Variants in ADRA1A observed in about 807,000 individuals in gnomAD.
ADRA1A encodes adrenoceptor alpha 1A.
A neutral mutation model predicts 29.6 loss-of-function variants in ADRA1A; 31 were observed. The ratio of observed to expected loss-of-function variants is 1.05; its 90% CI spans 0.79 to 1.41. ADRA1A has a LOEUF of 1.41. ADRA1A is among the 40% of genes most tolerant of loss of function. The probability of loss-of-function intolerance (pLI) is 0.00; values close to 1 mark genes in which losing one functional copy is unlikely to be tolerated. For missense variants in ADRA1A, 619 were observed against 601.1 expected (o/e 1.03, Z -0.31); for synonymous variants, 311 against 254.3 (o/e 1.22, Z -2.12).
At position 26,866,905 on chromosome 8, in the gene ADRA1A, C is replaced by T. The variant is rs759217193; in HGVS notation, c.-687+31G>A. On this transcript the variant is annotated intron_variant, in intron 1 of 2. Transcript: ENST00000380573. This position sits in a 1 kb window ranked among gnomAD's most constrained non-coding sequence, Gnocchi z 5.7. ...GGGAGGTCTGCCCTCACCCACTCGG[C>T]CCTGCGGGACGCCGGCCCCGGCGCA... 14 of 985,444 alleles carry T rather than the reference C, an allele frequency of 1.4e-5. No homozygotes were observed. The highest frequency in any genetic ancestry group is 1.7e-5 in the Non-Finnish European group (14 of 829,970). The allele number at this position is 985,444 out of a possible 1,614,324, so 61.0% of individuals were successfully genotyped here. A position where few individuals can be genotyped will look rare whatever the true frequency, so the allele number is the denominator to read the frequency against.
At chr8:26,790,827 T>G (rs1317773218) in intron 2 of ADRA1A, among the ~76,000 whole-genome samples, 15 of 152,212 alleles carry the variant, frequency 9.9e-5, no homozygotes, top group Non-Finnish European at 2.9e-5. Context: ...TGGAATAAGT[T>G]TGATCTATAT....
Position 26,769,947 on chromosome 8 carries a change from T to C in ADRA1A, c.*202A>G. The C allele has an allele frequency of 7.4e-7, 1 of 1,356,946 alleles. No individual in the cohort carries two copies. The allele number at this position is 1,356,946 out of a possible 1,614,324, so 84.1% of individuals were successfully genotyped here. On this transcript the variant is annotated 3_prime_UTR_variant, in exon 3 of 3. Coordinates refer to ENST00000380573, the MANE Select transcript of ADRA1A (RefSeq NM_000680.4). ...AGGGAAATGCTGTTCCGTATCATTC[T>C]GAACTGGTTGGTTGTGAGACACCCT...
downstream of ADRA1A, among the ~76,000 whole-genome samples, chr8:26,753,431 G>C (rs1482333911): frequency 3.0e-5 from 4 of 133,886 alleles, no homozygotes; most frequent in Admixed American, 3.1e-4. Flanking sequence ...ATTGTTATTT[G>C]TTTTGCAGTA....
At chr8:26,757,271 C>T in intron 2 of ADRA1A, 1 of 653,430 alleles carries the variant, frequency 1.5e-6, no homozygotes, top group Non-Finnish European at 2.8e-6. Context: ...AAGTCCCTGC[C>T]AAATTCAGCC....
intron 2 of ADRA1A, among the ~76,000 whole-genome samples, chr8:26,828,536 C>T (rs950490761): frequency 5.9e-5 from 9 of 152,230 alleles, no homozygotes; most frequent in Non-Finnish European, 1.2e-4. Flanking sequence ...AGAGCAAGCT[C>T]TATCAGCTGG....
At position 26,831,724 on chromosome 8, in the gene ADRA1A, G is replaced by A. The variant is rs183366387; in HGVS notation, c.883+32363C>T. Among the ~76,000 whole-genome samples, 11 of 152,284 alleles carry A rather than the reference G, an allele frequency of 7.2e-5. No homozygotes were observed. Among genetic ancestry groups the A allele is most frequent in the East Asian group, 1.9e-4 (1 of 5,178 alleles). Reference sequence around the variant, plus strand: ...GGACAAGAAGAACATAGTTTCACTCGCAGGGAATGAAGGACCCTTTTGGGC... The same window carrying A: ...GGACAAGAAGAACATAGTTTCACTCACAGGGAATGAAGGACCCTTTTGGGC... On this transcript the variant is annotated intron_variant, in intron 2 of 2. Transcript: ENST00000380573. The surrounding 1 kb of genome is among the most constrained non-coding windows in gnomAD (Gnocchi z 5.2).
At chr8:26,819,403 A>G (rs1190780187) in intron 2 of ADRA1A, among the ~76,000 whole-genome samples, 1 of 152,148 alleles carries the variant, frequency 6.6e-6, no homozygotes, top group East Asian at 1.9e-4. Flanking sequence ...TTAAAATACA[A>G]AAGTATTAAA....
chr8:26,842,531 C>T (rs769357546), intron 2 of ADRA1A, among the ~76,000 whole-genome samples: 4 of 152,094 alleles, frequency 2.6e-5, no homozygotes, highest in South Asian at 2.1e-4. Context: ...GTTCTCTCCC[C>T]GACCTTCTGT....
rs558781194 is a variant in ADRA1A, at chr8:26,798,914, T to G, written c.884-28248A>C. On this transcript the variant is annotated intron_variant, in intron 2 of 2. Transcript: ENST00000380573. Reference sequence around the variant, plus strand: ...TATGACAGTTTGTTACATTTCTTTCTTTTTTCTCTCTCTGCCCAGGGATAT... The same window carrying G: ...TATGACAGTTTGTTACATTTCTTTCGTTTTTCTCTCTCTGCCCAGGGATAT... Among the ~76,000 whole-genome samples, 35 of 152,316 alleles carry G rather than the reference T, an allele frequency of 2.3e-4. No homozygotes were observed. In the East Asian group the frequency reaches 2.7e-3, roughly 12 times the overall value.
chr8:26,808,760 G>A (rs1416826410), intron 2 of ADRA1A, among the ~76,000 whole-genome samples: 1 of 152,182 alleles, frequency 6.6e-6, no homozygotes, highest in Non-Finnish European at 1.5e-5. Context: ...TACATCCATT[G>A]GGTGTAACAA....
At chr8:26,814,493 C>T (rs564661182) in intron 2 of ADRA1A, among the ~76,000 whole-genome samples, 1 of 152,318 alleles carries the variant, frequency 6.6e-6, no homozygotes, top group East Asian at 1.9e-4. Context: ...AACTCCTGGC[C>T]TCAAGGAATC....
rs1446922078 is a variant in ADRA1A at position 26,756,780 on chromosome 8, C to T, written c.1270-1G>A. The T allele has an allele frequency of 6.2e-7, 1 of 1,612,726 alleles. No individual in the cohort carries two copies. The highest frequency in any genetic ancestry group is 2.2e-5 in the East Asian group (1 of 44,806). On this transcript the variant is annotated splice_acceptor_variant, in intron 2 of 2. Transcript: ENST00000380582. LOFTEE classifies it high-confidence loss of function. ...GGCTTCATGTCATGGGTGTGTGTCC[C>T]TTTAAAACACAAGGTAGACTAACAT...
chr8:26,808,098 TC>T (rs1363996041), intron 2 of ADRA1A, among the ~76,000 whole-genome samples: 1 of 152,226 alleles, frequency 6.6e-6, no homozygotes, highest in Non-Finnish European at 1.5e-5. Context: ...TGACTTTATT[TC>T]CCCTATCCCC....
chr8:26,767,881 C>T (rs573480686), downstream of ADRA1A, among the ~76,000 whole-genome samples: 8 of 152,134 alleles, frequency 5.3e-5, no homozygotes, highest in Non-Finnish European at 1.2e-4. Flanking sequence ...CCTATCAAGG[C>T]CAAAGAGAAG....
At chr8:26,808,124 C>T (rs1026321945) in intron 2 of ADRA1A, among the ~76,000 whole-genome samples, 1 of 152,176 alleles carries the variant, frequency 6.6e-6, no homozygotes, top group African/African-American at 2.4e-5. Flanking sequence ...AATCCCTAGA[C>T]ATAATCCTTT....
chr8:26,785,800 C>T (rs557470487), intron 2 of ADRA1A, among the ~76,000 whole-genome samples: 17 of 152,232 alleles, frequency 1.1e-4, no homozygotes, highest in Admixed American at 3.9e-4. Flanking sequence ...TCTGGCATTT[C>T]CCATCTTTAT....
chr8:26,813,850 C>T (rs761723509), intron 2 of ADRA1A, among the ~76,000 whole-genome samples: 2 of 152,038 alleles, frequency 1.3e-5, no homozygotes, highest in Admixed American at 6.5e-5. Context: ...AGACTAGGCT[C>T]AAAAACCTGG....
intron 2 of ADRA1A, among the ~76,000 whole-genome samples, chr8:26,759,186 G>A (rs1805368361): frequency 6.6e-6 from 1 of 152,164 alleles, no homozygotes; most frequent in Admixed American, 6.5e-5. Context: ...TTTTGATTCA[G>A]CTTTAAATAC....
intron 2 of ADRA1A, among the ~76,000 whole-genome samples, chr8:26,840,303 A>C (rs1224719098): frequency 6.6e-6 from 1 of 152,146 alleles, no homozygotes; most frequent in Non-Finnish European, 1.5e-5. Flanking sequence ...GGTTTGGGAA[A>C]GTAGCGGTTG....
Sources: allele counts gnomAD v4.1 joint callset (sites outside exome capture counted in the v4.1 genomes callset), GRCh38; gene constraint gnomAD v4.1.1; non-coding constraint Gnocchi (gnomAD v3.1); transcripts MANE v1.5; gene names NCBI Gene and HGNC (gene_info 2026-07-23, HGNC 2026-07-21).